MDGA2: variants seen among roughly 807,000 people sequenced by gnomAD.
MDGA2 encodes the protein MAM domain-containing glycosylphosphatidylinositol anchor protein 2.
In MDGA2, 40 loss-of-function variants were observed where a neutral mutation model predicts 117.8. The observed-to-expected ratio is 0.34, with a 90% CI of 0.26 to 0.44. The LOEUF is 0.44. Among genes scored for constraint, MDGA2 ranks in the 20% least tolerant of loss-of-function variants. MDGA2 has a pLI of 1.00. For missense variants in MDGA2, 1,123 were observed against 1,250.6 expected (o/e 0.90, Z 1.54); for synonymous variants, 452 against 439.0 (o/e 1.03, Z -0.37).
At chr14:47,074,957 C>T (rs143361860) in intron 6 of MDGA2, among the ~76,000 whole-genome samples, 1 of 152,124 alleles carries the variant, frequency 6.6e-6, no homozygotes, top group Non-Finnish European at 1.5e-5. Flanking sequence ...TTTCTTATAT[C>T]ACTACTTTAA....
At chr14:46,941,753 G>A (rs1022566973) in intron 9 of MDGA2, among the ~76,000 whole-genome samples, 2 of 152,054 alleles carry the variant, frequency 1.3e-5, no homozygotes, top group African/African-American at 4.8e-5. Flanking sequence ...AGTTTTCTTT[G>A]TTCTATTCTT....
rs60903573 is a variant in MDGA2 at position 46,994,514 on chromosome 14, AACACAC to A, written c.1820-36877_1820-36872del. On this transcript the variant is annotated intron_variant, in intron 8 of 16. Transcript: ENST00000399232. Reference sequence around the variant, plus strand: ...TAAAAGGCAAACATGCACACATACAAACACACACACACACACACACACACACACTCA... The same window carrying A: ...TAAAAGGCAAACATGCACACATACAAACACACACACACACACACACACTCA... 8.3e-3 allele frequency among the ~76,000 whole-genome samples: 1,242 copies of A among 149,758 alleles called. 18 individuals are homozygous for A. Among genetic ancestry groups the A allele is most frequent in the African/African-American group, 0.027 (1,111 of 40,800 alleles).
chr14:46,940,960 A>G lies in MDGA2; in HGVS notation c.2089+16414T>C, dbSNP rs375352711. ...TAGGAACATTTATTTTCTGCAAAAC[A>G]TATAACTTGAGTTAATAAAGTAGAT... On this transcript the variant is annotated intron_variant, in intron 9 of 16. Coordinates refer to ENST00000399232, the MANE Select transcript of MDGA2 (RefSeq NM_001113498.3). Among the ~76,000 whole-genome samples the G allele has an allele frequency of 1.2e-3, 179 of 152,324 alleles. 1 individual carries two copies. The highest frequency in any genetic ancestry group is 4.1e-3 in the African/African-American group (172 of 41,574).
intron 2 of MDGA2, among the ~76,000 whole-genome samples, chr14:47,300,295 T>C (rs12892775): frequency 0.15 from 23,213 of 152,172 alleles, 1,936 homozygotes; most frequent in Middle Eastern, 0.22. Flanking sequence ...TTTCCTACCA[T>C]AGTGCTTGTG....
chr14:47,104,787 C>T (rs1049136707), intron 5 of MDGA2, among the ~76,000 whole-genome samples: 4 of 152,156 alleles, frequency 2.6e-5, no homozygotes, highest in African/African-American at 9.7e-5. Flanking sequence ...GGTCCTCAGA[C>T]CGACCAGCCC....
At chr14:46,956,233 T>C (rs376937985) in intron 9 of MDGA2, among the ~76,000 whole-genome samples, 76 of 152,168 alleles carry the variant, frequency 5.0e-4, no homozygotes, top group African/African-American at 1.7e-3. Context: ...TCCAGTTTCT[T>C]TTTTTTACTA....
chr14:47,517,642 C>T (rs920751836), intron 1 of MDGA2, among the ~76,000 whole-genome samples: 1 of 152,106 alleles, frequency 6.6e-6, no homozygotes, highest in Non-Finnish European at 1.5e-5. Flanking sequence ...ATGCAATCAA[C>T]TCAATGAACT....
rs539371682 is a variant in MDGA2, at chr14:47,349,766, C to T, written c.281-48216G>A. Among the ~76,000 whole-genome samples, 14 of 152,346 alleles carry T rather than the reference C, an allele frequency of 9.2e-5. No individual in the cohort carries two copies. The South Asian group carries it at 2.9e-3, about 32-fold the overall frequency. On this transcript the variant is annotated intron_variant, in intron 1 of 16. Coordinates refer to ENST00000399232, the MANE Select transcript of MDGA2 (RefSeq NM_001113498.3). ...ACTAGAGTCAGTCCTTTCTGTTCTT[C>T]TCTGAGCTGCAAATTAACTGCTGAC...
At chr14:47,068,533 C>T (rs1890166890) in intron 6 of MDGA2, among the ~76,000 whole-genome samples, 1 of 151,708 alleles carries the variant, frequency 6.6e-6, no homozygotes, top group South Asian at 2.1e-4. Context: ...GATACCTTAG[C>T]ACCAGTTATT....
Position 47,574,829 on chromosome 14 carries a change from G to A in MDGA2, c.280+99688C>T, listed in dbSNP as rs180710434. ...GAGCAAATAATCTGCCCAAAGTTAT[G>A]AAGCCAGTCACTAGAGCTGGAATTT... On this transcript the variant is annotated intron_variant, in intron 1 of 16. Coordinates refer to ENST00000399232, the MANE Select transcript of MDGA2 (RefSeq NM_001113498.3). Among the ~76,000 whole-genome samples the A allele has an allele frequency of 4.0e-3, 610 of 152,272 alleles. 10 individuals are homozygous for A. The highest frequency in any genetic ancestry group is 0.027 in the Admixed American group (413 of 15,278).
intron 1 of MDGA2, among the ~76,000 whole-genome samples, chr14:47,644,254 A>G (rs1897483394): frequency 6.6e-6 from 1 of 152,210 alleles, no homozygotes; most frequent in African/African-American, 2.4e-5. Context: ...TGAGACTTAA[A>G]GATTATCTTG....
intron 14 of MDGA2, among the ~76,000 whole-genome samples, chr14:46,862,386 C>T (rs1319204993): frequency 6.7e-6 from 1 of 149,034 alleles, no homozygotes; most frequent in East Asian, 2.0e-4. Flanking sequence ...ATGCAATAGC[C>T]TGATTATTAT....
At chr14:47,154,999 A>G (rs1183622691) in intron 3 of MDGA2, among the ~76,000 whole-genome samples, 1 of 152,180 alleles carries the variant, frequency 6.6e-6, no homozygotes, top group Non-Finnish European at 1.5e-5. Flanking sequence ...AAGCCGATTA[A>G]AATCCCAGAC....
At chr14:46,918,423 A>G (rs1883984338) in intron 10 of MDGA2, among the ~76,000 whole-genome samples, 1 of 152,190 alleles carries the variant, frequency 6.6e-6, no homozygotes, top group South Asian at 2.1e-4. Context: ...AAAAGAAATA[A>G]GCCCACAAAC....
chr14:47,407,246 C>A (rs891139233), intron 1 of MDGA2, among the ~76,000 whole-genome samples: 13 of 152,114 alleles, frequency 8.5e-5, no homozygotes, highest in African/African-American at 2.9e-4. Flanking sequence ...CAAAATGCAG[C>A]AGTTTATACT....
At chr14:46,862,005 A>G (rs1221361477) in intron 14 of MDGA2, among the ~76,000 whole-genome samples, 1 of 152,034 alleles carries the variant, frequency 6.6e-6, no homozygotes, top group East Asian at 1.9e-4. Context: ...AGTGAATATG[A>G]TGGATTGTGT....
chr14:47,398,039 C>G (rs2138452871), intron 1 of MDGA2, among the ~76,000 whole-genome samples: 1 of 152,150 alleles, frequency 6.6e-6, no homozygotes, highest in African/African-American at 2.4e-5. Context: ...CATTATTAAC[C>G]TAATTTTACA....
At chr14:46,895,678 G>T (rs1199571742) in intron 10 of MDGA2, among the ~76,000 whole-genome samples, 1 of 151,540 alleles carries the variant, frequency 6.6e-6, no homozygotes, top group Admixed American at 6.6e-5. Context: ...AGTGAGCCGA[G>T]ATCGCGCCAG....
intron 6 of MDGA2, among the ~76,000 whole-genome samples, chr14:47,079,872 C>T (rs1890642454): frequency 6.6e-6 from 1 of 151,658 alleles, no homozygotes; most frequent in African/African-American, 2.4e-5. Flanking sequence ...GCTGGGACTA[C>T]AGGCGCCCGC....
Sources: allele counts gnomAD v4.1 joint callset (sites outside exome capture counted in the v4.1 genomes callset), GRCh38; gene constraint gnomAD v4.1.1; transcripts MANE v1.5; gene names NCBI Gene and HGNC (gene_info 2026-07-23, HGNC 2026-07-21).